The following STK3 variants were observed in gnomAD, a reference collection of about 807,000 sequenced individuals.
The protein encoded by STK3 is serine/threonine kinase 3.
STK3 carries 41 observed loss-of-function variants against 58.0 expected under a neutral mutation model. That is an observed-to-expected ratio of 0.71 (90% CI 0.55 to 0.92). The LOEUF (loss-of-function observed/expected upper bound fraction) is 0.92. STK3 is among the 40% of genes least tolerant of loss of function. The pLI, the probability that STK3 is intolerant of heterozygous loss-of-function variation, is 0.00. For synonymous variants in STK3, 170 were observed against 191.0 expected (o/e 0.89, Z 0.91); for missense variants, 479 against 602.7 (o/e 0.79, Z 2.15).
At chr8:98,753,543 T>C (rs922442490) in intron 3 of STK3, among the ~76,000 whole-genome samples, 1 of 152,108 alleles carries the variant, frequency 6.6e-6, no homozygotes, top group African/African-American at 2.4e-5. Context: ...ACCTGGGTGA[T>C]AAAATAATCT....
chr8:98,613,693 A>C (rs1252268439), intron 6 of STK3, among the ~76,000 whole-genome samples: 1 of 151,774 alleles, frequency 6.6e-6, no homozygotes, highest in Non-Finnish European at 1.5e-5. Context: ...TTTAGCCATA[A>C]CATATTAATA....
Position 98,825,534 on chromosome 8 carries a change from G to A in STK3, c.7C>T (p.Gln3Ter). The change falls in exon 1 of 11, where the codon CAG (glutamine) becomes TAG (stop). Residue 3 changes from glutamine (Q) to a stop codon, truncating the protein, a stop_gained. Transcript: ENST00000419617. LOFTEE classifies it high-confidence loss of function. ...CGTTACCTCTTAGGCGCCGGCGGCTGCTCCATGGCGGCCGGGGACAGAGAG... is the reference window on the plus strand; with the variant it reads ...CGTTACCTCTTAGGCGCCGGCGGCTACTCCATGGCGGCCGGGGACAGAGAG... The part of the protein sequence containing the change: ME[Q>*]PPAPKSKLKK... 2 of 1,457,968 alleles carry A rather than the reference G, an allele frequency of 1.4e-6. No homozygotes were observed. Among genetic ancestry groups the A allele is most frequent in the South Asian group, 2.6e-5 (2 of 77,128 alleles). The allele number at this position is 1,457,968 out of a possible 1,614,324, so 90.3% of individuals were successfully genotyped here. A position where few individuals can be genotyped will look rare whatever the true frequency, so the allele number is the denominator to read the frequency against.
chr8:98,939,936 G>C (rs1840343861), intron 1 of STK3, among the ~76,000 whole-genome samples: 1 of 152,224 alleles, frequency 6.6e-6, no homozygotes, highest in Non-Finnish European at 1.5e-5. Flanking sequence ...CGGTAAACCT[G>C]GTCTTCCTTG....
chr8:98,872,073 A>G (rs1184437989), intron 3 of STK3, among the ~76,000 whole-genome samples: 1 of 152,200 alleles, frequency 6.6e-6, no homozygotes, highest in Admixed American at 6.5e-5. Flanking sequence ...ATTTTTTCAA[A>G]GGCCTTTTCT....
At chr8:98,485,036 T>G (rs1393893137) in intron 10 of STK3, among the ~76,000 whole-genome samples, 3 of 152,122 alleles carry the variant, frequency 2.0e-5, no homozygotes, top group Non-Finnish European at 4.4e-5. Context: ...GATCAGGAGT[T>G]CAAGATCAGC....
intron 6 of STK3, among the ~76,000 whole-genome samples, chr8:98,631,750 C>A (rs183583183): frequency 6.6e-6 from 1 of 152,250 alleles, no homozygotes; most frequent in East Asian, 1.9e-4. Context: ...CTGCAACCTC[C>A]GCCTCCTGGG....
At chr8:98,567,357 C>T (rs1472562944) in intron 8 of STK3, among the ~76,000 whole-genome samples, 1 of 152,140 alleles carries the variant, frequency 6.6e-6, no homozygotes, top group Non-Finnish European at 1.5e-5. Flanking sequence ...ACCACCATGC[C>T]TGGCTAATTT....
At chr8:98,387,133 G>A (rs563346109) in intron 1 of STK3, among the ~76,000 whole-genome samples, 2 of 152,122 alleles carry the variant, frequency 1.3e-5, no homozygotes, top group Admixed American at 6.5e-5. Context: ...TTAAAATACA[G>A]TAATTTGATT....
downstream of STK3, among the ~76,000 whole-genome samples, chr8:98,368,843 T>C (rs1196920159): frequency 6.6e-6 from 1 of 152,188 alleles, no homozygotes; most frequent in Non-Finnish European, 1.5e-5. Flanking sequence ...TCTCGGAACA[T>C]TGAGCTCTTC....
At chr8:98,371,065 C>T (rs766440788), downstream of STK3, among the ~76,000 whole-genome samples, 3 of 152,130 alleles carry the variant, frequency 2.0e-5, no homozygotes, top group Non-Finnish European at 4.4e-5. Flanking sequence ...TGTTGAAGGT[C>T]CCAGAGGAGC....
intron 3 of STK3, among the ~76,000 whole-genome samples, chr8:98,764,540 C>T (rs1830824974): frequency 6.6e-6 from 1 of 152,196 alleles, no homozygotes; most frequent in Non-Finnish European, 1.5e-5. Flanking sequence ...GATTCTCAGC[C>T]TTGCTAAAAG....
intron 1 of STK3, among the ~76,000 whole-genome samples, chr8:98,794,212 G>A (rs889705965): frequency 4.0e-5 from 6 of 151,822 alleles, no homozygotes; most frequent in Admixed American, 1.3e-4. Context: ...AAAATACAAA[G>A]GATCGATGAA....
At chr8:98,905,904 C>CG (rs1302818742) in intron 1 of STK3, among the ~76,000 whole-genome samples, 2 of 152,120 alleles carry the variant, frequency 1.3e-5, no homozygotes, top group Non-Finnish European at 2.9e-5. Context: ...GTGCAGAAAA[C>CG]GGAAGTGAGG....
At chr8:98,410,528 T>G (rs1463333546) in intron 3 of STK3, among the ~76,000 whole-genome samples, 1 of 152,234 alleles carries the variant, frequency 6.6e-6, no homozygotes, top group East Asian at 1.9e-4. Flanking sequence ...TCAGATGCTT[T>G]TTTGGAGAGT....
chr8:98,934,637 C>T (rs541660107), intron 1 of STK3, among the ~76,000 whole-genome samples: 50 of 152,260 alleles, frequency 3.3e-4, no homozygotes, highest in African/African-American at 1.1e-3. Context: ...ATATGTAGGC[C>T]GGGCACGGTG....
intron 4 of STK3, among the ~76,000 whole-genome samples, chr8:98,746,727 G>A (rs1829666728): frequency 1.3e-5 from 2 of 152,108 alleles, no homozygotes; most frequent in Non-Finnish European, 2.9e-5. Flanking sequence ...TCTTTACCCA[G>A]CAAATATACT....
At chr8:98,700,079 C>A (rs1825416507) in intron 6 of STK3, among the ~76,000 whole-genome samples, 1 of 152,240 alleles carries the variant, frequency 6.6e-6, no homozygotes, top group Non-Finnish European at 1.5e-5. Context: ...GCGGGCGCCC[C>A]TCCCCCAGCC....
At chr8:98,440,865 C>T (rs1288146505) in intron 1 of STK3, among the ~76,000 whole-genome samples, 1 of 152,198 alleles carries the variant, frequency 6.6e-6, no homozygotes, top group African/African-American at 2.4e-5. Context: ...CCCAAGGCCA[C>T]ATTTAACATC....
intron 7 of STK3, among the ~76,000 whole-genome samples, chr8:98,588,166 G>A (rs1366309707): frequency 2.6e-5 from 4 of 151,680 alleles, no homozygotes; most frequent in East Asian, 1.9e-4. Context: ...TATTTTGCTC[G>A]TTAGTTGATG....
Sources: gnomAD v4.1 joint callset for allele counts (sites outside exome capture counted in the v4.1 genomes callset) on GRCh38, gnomAD v4.1.1 for gene constraint, MANE v1.5 for transcripts, NCBI Gene and HGNC (gene_info 2026-07-23, HGNC 2026-07-21) for gene names.